The following GALNTL6 variants were observed in gnomAD, a reference collection of about 807,000 sequenced individuals.
The protein encoded by GALNTL6 is polypeptide N-acetylgalactosaminyltransferase-like 6.
In GALNTL6, 46 loss-of-function variants were observed where a neutral mutation model predicts 73.7. That is an observed-to-expected ratio of 0.62 (90% CI 0.49 to 0.80). The LOEUF is 0.80. Ranked by LOEUF, GALNTL6 falls within the 30% of genes least tolerant of loss-of-function variation. The pLI, the probability that GALNTL6 is intolerant of heterozygous loss-of-function variation, is 0.00. For missense variants in GALNTL6, 604 were observed against 755.0 expected (o/e 0.80, Z 2.34); for synonymous variants, 259 against 263.7 (o/e 0.98, Z 0.17).
At chr4:171,848,710 T>C (rs1357953514) in intron 2 of GALNTL6, among the ~76,000 whole-genome samples, 1 of 152,224 alleles carries the variant, frequency 6.6e-6, no homozygotes, top group Non-Finnish European at 1.5e-5. Flanking sequence ...TTCCAACTTT[T>C]CTTCCACAAT....
intron 4 of GALNTL6, among the ~76,000 whole-genome samples, chr4:172,329,510 T>A (rs1047327354): frequency 2.6e-5 from 4 of 152,152 alleles, no homozygotes; most frequent in Non-Finnish European, 5.9e-5. Context: ...TACCCCTTCT[T>A]CTGGGTGTTC....
intron 2 of GALNTL6, among the ~76,000 whole-genome samples, chr4:171,818,150 CTT>C (rs1393930401): frequency 3.3e-5 from 5 of 151,622 alleles, no homozygotes; most frequent in African/African-American, 1.2e-4. Context: ...CTCCTCTTCT[CTT>C]GTTTCAGCTG....
At chr4:172,309,776 G>A (rs1195757174) in intron 3 of GALNTL6, among the ~76,000 whole-genome samples, 1 of 151,808 alleles carries the variant, frequency 6.6e-6, no homozygotes, top group Non-Finnish European at 1.5e-5. Flanking sequence ...AGCTGAATAA[G>A]AAGTATAAAA....
intron 3 of GALNTL6, among the ~76,000 whole-genome samples, chr4:172,261,885 T>C (rs1447962689): frequency 1.3e-5 from 2 of 150,862 alleles, no homozygotes; most frequent in South Asian, 2.1e-4. Flanking sequence ...AGATTATTTA[T>C]GTATAATCTG....
At chr4:172,965,678 GC>G (rs1453059171) in intron 10 of GALNTL6, among the ~76,000 whole-genome samples, 1 of 150,996 alleles carries the variant, frequency 6.6e-6, no homozygotes, top group Non-Finnish European at 1.5e-5. Context: ...ACATCTTAGT[GC>G]CCCAACAGTG....
At chr4:171,832,571 A>C (rs1363081292) in intron 2 of GALNTL6, among the ~76,000 whole-genome samples, 2 of 151,514 alleles carry the variant, frequency 1.3e-5, no homozygotes, top group African/African-American at 4.8e-5. Flanking sequence ...AGGCATGTGA[A>C]TACATTGCAA....
At chr4:172,028,415 A>G (rs1479681397) in intron 2 of GALNTL6, among the ~76,000 whole-genome samples, 1 of 152,062 alleles carries the variant, frequency 6.6e-6, no homozygotes, top group African/African-American at 2.4e-5. Flanking sequence ...GATTGTCTGG[A>G]ATCTGAATTA....
intron 2 of GALNTL6, among the ~76,000 whole-genome samples, chr4:172,060,548 A>G (rs944242492): frequency 6.6e-6 from 1 of 152,196 alleles, no homozygotes. Flanking sequence ...ATGAAAAATA[A>G]AACATTTTAT....
intron 5 of GALNTL6, among the ~76,000 whole-genome samples, chr4:172,533,839 A>C (rs1335182350): frequency 6.6e-6 from 1 of 152,186 alleles, no homozygotes; most frequent in African/African-American, 2.4e-5. Context: ...AAAATGGAAT[A>C]ATGTAAAATA....
At chr4:172,993,186 G>T (rs768583493) in intron 10 of GALNTL6, among the ~76,000 whole-genome samples, 2 of 152,310 alleles carry the variant, frequency 1.3e-5, no homozygotes, top group Non-Finnish European at 2.9e-5. Flanking sequence ...GGTCCTAAGG[G>T]TGGTGCCCTA....
chr4:172,527,471 G>A (rs187289003), intron 5 of GALNTL6, among the ~76,000 whole-genome samples: 27 of 152,314 alleles, frequency 1.8e-4, no homozygotes, highest in Non-Finnish European at 2.9e-5. Context: ...GAAGACTGTA[G>A]ATGCTTACTT....
At chr4:172,045,414 T>C (rs1217248085) in intron 2 of GALNTL6, among the ~76,000 whole-genome samples, 1 of 152,056 alleles carries the variant, frequency 6.6e-6, no homozygotes, top group Non-Finnish European at 1.5e-5. Context: ...TTCCCTAAAG[T>C]CTTCTCAGTT....
chr4:172,264,944 C>T (rs1738401737), intron 3 of GALNTL6, among the ~76,000 whole-genome samples: 1 of 151,420 alleles, frequency 6.6e-6, no homozygotes, highest in South Asian at 2.1e-4. Flanking sequence ...GGCTACAACT[C>T]TGATTATCAC....
At chr4:172,059,956 GGA>G (rs1278853939) in intron 2 of GALNTL6, among the ~76,000 whole-genome samples, 5 of 152,148 alleles carry the variant, frequency 3.3e-5, no homozygotes, top group Admixed American at 3.3e-4. Flanking sequence ...AAGCCCAGAA[GGA>G]GAGGCCTCAA....
intron 2 of GALNTL6, among the ~76,000 whole-genome samples, chr4:172,038,428 T>C (rs1456890804): frequency 1.3e-5 from 2 of 152,172 alleles, no homozygotes; most frequent in Non-Finnish European, 2.9e-5. Context: ...TATATACACA[T>C]TGTCCTTGCT....
intron 2 of GALNTL6, among the ~76,000 whole-genome samples, chr4:172,153,582 A>G (rs1362069178): frequency 2.0e-5 from 3 of 152,204 alleles, no homozygotes; most frequent in Non-Finnish European, 4.4e-5. Flanking sequence ...CATAAAAACT[A>G]TTATTAAGAT....
At chr4:172,532,844 A>G (rs1735210284) in intron 5 of GALNTL6, among the ~76,000 whole-genome samples, 1 of 152,150 alleles carries the variant, frequency 6.6e-6, no homozygotes, top group Non-Finnish European at 1.5e-5. Context: ...AGATAAGTTG[A>G]ACTCTTAACG....
At chr4:172,047,053 T>C (rs1338751018) in intron 2 of GALNTL6, among the ~76,000 whole-genome samples, 1 of 152,148 alleles carries the variant, frequency 6.6e-6, no homozygotes, top group African/African-American at 2.4e-5. Context: ...TTCATTCTTA[T>C]GAAATAAAGG....
chr4:172,252,761 A>G (rs963236212), intron 3 of GALNTL6, among the ~76,000 whole-genome samples: 2 of 152,042 alleles, frequency 1.3e-5, no homozygotes, highest in East Asian at 3.9e-4. Flanking sequence ...TCAATGTAAC[A>G]TCTTCTTAGA....
Sources: gnomAD v4.1 joint callset for allele counts (sites outside exome capture counted in the v4.1 genomes callset) on GRCh38, gnomAD v4.1.1 for gene constraint, MANE v1.5 for transcripts, NCBI Gene and HGNC (gene_info 2026-07-23, HGNC 2026-07-21) for gene names.